The following RCAN2 variants were observed in gnomAD, a reference collection of about 807,000 sequenced individuals.
The protein encoded by RCAN2 is calcipressin-2.
Under a neutral mutation model 23.6 loss-of-function variants are expected in RCAN2, and 9 were observed. That is an observed-to-expected ratio of 0.38 (90% CI 0.23 to 0.67). The LOEUF is 0.67. Ranked by LOEUF, RCAN2 falls within the 30% of genes least tolerant of loss-of-function variation. RCAN2 has a pLI of 0.51. For missense variants in RCAN2, 273 were observed against 302.3 expected (o/e 0.90, Z 0.72); for synonymous variants, 109 against 115.7 (o/e 0.94, Z 0.37).
intron 2 of RCAN2, among the ~76,000 whole-genome samples, chr6:46,375,894 C>G (rs1439563426): frequency 1.3e-5 from 2 of 152,156 alleles, no homozygotes; most frequent in African/African-American, 4.8e-5. Context: ...AATATAAAAA[C>G]CAATCTTAGC....
chr6:46,426,729 T>C (rs1029402719), intron 2 of RCAN2, among the ~76,000 whole-genome samples: 3 of 152,216 alleles, frequency 2.0e-5, no homozygotes, highest in Non-Finnish European at 4.4e-5. Flanking sequence ...ACATCTACTG[T>C]GTAAACAGAT....
At chr6:46,477,697 G>A (rs1430443047) in intron 1 of RCAN2, among the ~76,000 whole-genome samples, 4 of 152,056 alleles carry the variant, frequency 2.6e-5, no homozygotes, top group Admixed American at 6.6e-5. Context: ...AAATAACGTC[G>A]TTACCAATTC....
At chr6:46,232,790 CAAAAAAAA>C (rs35457944) in intron 4 of RCAN2, among the ~76,000 whole-genome samples, 2 of 89,196 alleles carry the variant, frequency 2.2e-5, no homozygotes, top group African/African-American at 9.3e-5. Flanking sequence ...AAGACTGTCT[CAAAAAAAA>C]AAAAAAAAAA....
chr6:46,332,134 GTTT>G (rs1045115599), intron 2 of RCAN2, among the ~76,000 whole-genome samples: 12 of 151,954 alleles, frequency 7.9e-5, no homozygotes, highest in African/African-American at 2.9e-4. Flanking sequence ...CCTAATGATT[GTTT>G]TTCTCTTTAA....
intron 1 of RCAN2, among the ~76,000 whole-genome samples, chr6:46,479,649 G>A (rs1243220655): frequency 2.7e-5 from 4 of 147,164 alleles, no homozygotes; most frequent in Admixed American, 1.4e-4. Flanking sequence ...GAGCAGTGGC[G>A]TGAGCTCACT....
intron 2 of RCAN2, among the ~76,000 whole-genome samples, chr6:46,308,599 G>T (rs1192708538): frequency 1.3e-5 from 2 of 152,094 alleles, no homozygotes; most frequent in African/African-American, 4.8e-5. Context: ...TGTACGTTGG[G>T]GAGACCTCTG....
intron 2 of RCAN2, among the ~76,000 whole-genome samples, chr6:46,250,381 TTATA>T (rs886243468): frequency 9.2e-5 from 14 of 152,194 alleles, no homozygotes; most frequent in African/African-American, 2.9e-4. Context: ...ACTAAGGAAA[TTATA>T]TATACAACCA....
At chr6:46,241,507 C>T (rs1052318713) in intron 4 of RCAN2, among the ~76,000 whole-genome samples, 1 of 152,058 alleles carries the variant, frequency 6.6e-6, no homozygotes, top group African/African-American at 2.4e-5. Flanking sequence ...TGAAATGTAC[C>T]GTAAAGAATT....
intron 1 of RCAN2, among the ~76,000 whole-genome samples, chr6:46,483,158 A>G (rs905369656): frequency 3.3e-5 from 5 of 152,214 alleles, no homozygotes; most frequent in African/African-American, 1.2e-4. Context: ...GATCCCATCT[A>G]GAGACATTCT....
At chr6:46,315,923 AG>A (rs149549331) in intron 2 of RCAN2, among the ~76,000 whole-genome samples, 14 of 10,290 alleles carry the variant, frequency 1.4e-3, no homozygotes, top group African/African-American at 3.0e-3. Flanking sequence ...ACAAGAAAAG[AG>A]GTTTGGAAGA....
At chr6:46,321,336 G>A (rs1242088296) in intron 2 of RCAN2, among the ~76,000 whole-genome samples, 2 of 152,212 alleles carry the variant, frequency 1.3e-5, no homozygotes, top group East Asian at 1.9e-4. Context: ...TGCTCCGTGA[G>A]GGCAGGGACG....
intron 2 of RCAN2, among the ~76,000 whole-genome samples, chr6:46,276,824 C>G (rs961828065): frequency 1.3e-5 from 2 of 152,188 alleles, no homozygotes; most frequent in South Asian, 4.1e-4. Flanking sequence ...CTTGATGGAG[C>G]CTTTGCTTCC....
chr6:46,449,583 C>T (rs890450005), intron 2 of RCAN2, among the ~76,000 whole-genome samples: 3 of 151,326 alleles, frequency 2.0e-5, no homozygotes, highest in African/African-American at 7.3e-5. Flanking sequence ...GACTACAAAG[C>T]TATAGTAATC....
intron 2 of RCAN2, among the ~76,000 whole-genome samples, chr6:46,390,254 C>A (rs1765892055): frequency 6.6e-6 from 1 of 152,136 alleles, no homozygotes; most frequent in Admixed American, 6.5e-5. Flanking sequence ...AAATTTTGTG[C>A]CACTGATTCA....
chr6:46,401,563 A>G (rs1223667012), intron 2 of RCAN2, among the ~76,000 whole-genome samples: 1 of 152,162 alleles, frequency 6.6e-6, no homozygotes, highest in Non-Finnish European at 1.5e-5. Flanking sequence ...GAATTTATAT[A>G]ATAATGGGGA....
At chr6:46,243,204 T>C in intron 4 of RCAN2, among the ~76,000 whole-genome samples, 1 of 152,152 alleles carries the variant, frequency 6.6e-6, no homozygotes, top group Non-Finnish European at 1.5e-5. Flanking sequence ...ATTTAACGTC[T>C]GATATTTTCA....
At chr6:46,407,784 C>T (rs997417511) in intron 2 of RCAN2, among the ~76,000 whole-genome samples, 12 of 152,140 alleles carry the variant, frequency 7.9e-5, no homozygotes, top group African/African-American at 2.7e-4. Flanking sequence ...CAAACCTTAG[C>T]CTAAAGGTGA....
chr6:46,266,204 T>G (rs1191713049), intron 2 of RCAN2, among the ~76,000 whole-genome samples: 5 of 152,298 alleles, frequency 3.3e-5, no homozygotes, highest in Admixed American at 3.3e-4. Flanking sequence ...ACCTAAGCAC[T>G]TCCTGACTCT....
At chr6:46,342,768 G>A (rs1410560583) in intron 2 of RCAN2, among the ~76,000 whole-genome samples, 1 of 151,810 alleles carries the variant, frequency 6.6e-6, no homozygotes, top group Non-Finnish European at 1.5e-5. Context: ...GGCATAAGGA[G>A]AAACCAGATG....
Sources: gnomAD v4.1 joint callset for allele counts (sites outside exome capture counted in the v4.1 genomes callset) on GRCh38, gnomAD v4.1.1 for gene constraint, MANE v1.5 for transcripts, NCBI Gene and HGNC (gene_info 2026-07-23, HGNC 2026-07-21) for gene names.